The following SSC5D variants were observed in gnomAD, a reference collection of about 807,000 sequenced individuals.
SSC5D encodes the protein scavenger receptor cysteine rich family member with 5 domains.
A neutral mutation model predicts 104.6 loss-of-function variants in SSC5D; 106 were observed. The ratio of observed to expected loss-of-function variants is 1.01; its 90% CI spans 0.87 to 1.19. SSC5D has a LOEUF of 1.19. Ranked by LOEUF, SSC5D falls within the 50% of genes most tolerant of loss-of-function variation. The probability of loss-of-function intolerance (pLI) is 0.00; values close to 1 mark genes in which losing one functional copy is unlikely to be tolerated. For synonymous variants in SSC5D, 860 were observed against 883.5 expected, an observed-to-expected ratio of 0.97 and a Z score of 0.47; for missense variants, 1,993 against 2,153.8, an observed-to-expected ratio of 0.93 and a Z score of 1.48.
chr19:55,504,877 G>A (rs184472175), intron 12 of SSC5D, among the ~76,000 whole-genome samples: 2 of 152,124 alleles, frequency 1.3e-5, no homozygotes, highest in African/African-American at 4.8e-5. Context: ...GTCTGTGCTG[G>A]GCATGCATGA....
intron 2 of SSC5D, 25 bp downstream of exon 2, chr19:55,489,057 T>TGGGGGGGGGGGGGGGGGGGGGGGG: frequency 2.4e-6 from 3 of 1,247,962 alleles, no homozygotes; most frequent in East Asian, 7.3e-5. Context: ...TCCTCCCATC[T>TGGGGGGGGGGGGGGGGGGGGGGGG]GCCCGCCCCC....
rs1458083058 is a variant in SSC5D at position 55,491,047 on chromosome 19, G to A, written c.862G>A (p.Asp288Asn). The A allele has an allele frequency of 1.8e-5, 28 of 1,550,062 alleles. No homozygotes were observed. The African/African-American group carries it at 2.1e-4, about 11-fold the overall frequency. The change falls in exon 6 of 14, where the codon GAC becomes AAC. Residue 288 changes from aspartate (D) to asparagine (N), a missense_variant. Asp to Asn is a conservative substitution (Grantham distance 23). Transcript: ENST00000389623. ...PRSPWGRSNC[D>N]HSEDAGLVCT... is the part of the protein sequence containing the mutation. Reference sequence around the variant, plus strand: ...AAGCCCCTGGGGCCGGAGCAACTGTGACCACAGCGAGGATGCGGGGCTGGT... The same window carrying A: ...AAGCCCCTGGGGCCGGAGCAACTGTAACCACAGCGAGGATGCGGGGCTGGT...
In SSC5D at chr19:55,491,017, C is replaced by T. The variant is rs1488928655; in HGVS notation, c.832C>T (p.Pro278Ser). Residue 278 changes from proline to serine, a missense_variant, in exon 6 of 14, where the codon CCC becomes TCC. Physicochemically the swap from Pro to Ser is moderately conservative, Grantham distance 74. Coordinates refer to ENST00000389623, the MANE Select transcript of SSC5D (RefSeq NM_001144950.2). Reference sequence around the variant, plus strand: ...AGGAGAACAGGCCCTCCGAGACTGCCCCCGAAGCCCCTGGGGCCGGAGCAA... The same window carrying T: ...AGGAGAACAGGCCCTCCGAGACTGCTCCCGAAGCCCCTGGGGCCGGAGCAA... ...GGGEQALRDC[P>S]RSPWGRSNCD... is the part of the protein sequence containing the mutation. 7 of 1,550,074 alleles carry T rather than the reference C, an allele frequency of 4.5e-6. No individual in the cohort carries two copies. The highest frequency in any genetic ancestry group is 2.0e-5 in the Admixed American group (1 of 50,920).
Position 55,518,810 on chromosome 19 carries a change from G to A in SSC5D, c.4534G>A (p.Glu1512Lys), listed in dbSNP as rs1041611900. The change falls in exon 14 of 14, where the codon GAA (glutamate) becomes AAA (lysine). Residue 1512 changes from glutamate to lysine, a missense_variant. Physicochemically the swap from Glu to Lys is moderately conservative, Grantham distance 56. Around this residue, in one of 6 missense-constraint regions of SSC5D, gnomAD observed 349 missense variants for 397.6 expected, o/e 0.88. Transcript: ENST00000389623. The stretch of plus-strand genomic sequence containing the variant: ...GCTGCAGAGACTGACCCAGGTCGTG[G>A]AACAGGAGCGGCAGGAGCGCCAAGC... ...GQLQRLTQVV[E>K]QERQERQALL... The A allele has an allele frequency of 1.9e-6, 3 of 1,550,408 alleles. No individual in the cohort carries two copies. In the African/African-American group the frequency reaches 4.1e-5, roughly 21 times the overall value.
Position 55,488,498 on chromosome 19 carries a change from C to CT in SSC5D, c.-90dup. ...CGGGCCTGGGCGCCTCCAGCAGGCA[C>CT]TTCCCTCCCTCCCTCTCTCCCCAGC... On this transcript the variant is annotated 5_prime_UTR_variant, in exon 1 of 14. Transcript: ENST00000389623. The CT allele has an allele frequency of 9.4e-7, 1 of 1,066,074 alleles. No individual in the cohort carries two copies. The allele number at this position is 1,066,074 out of a possible 1,614,324, so 66.0% of individuals were successfully genotyped here. A position where few individuals can be genotyped will look rare whatever the true frequency, so the allele number is the denominator to read the frequency against.
Position 55,518,847 on chromosome 19 carries a change from G to T in SSC5D, c.4571G>T (p.Gly1524Val). 6.5e-7 allele frequency: 1 copy of T among 1,550,358 alleles called. No individual in the cohort carries two copies. Among genetic ancestry groups the T allele is most frequent in the South Asian group, 1.2e-5 (1 of 84,062 alleles). ...CAGGAGCGCCAAGCCCTGCTGCTGG[G>T]GCTGACGCAGCTGGTAGAAGCTGCC... ...ERQERQALLL[G>V]LTQLVEAARG... The change falls in exon 14 of 14, where the codon GGG (glycine) becomes GTG (valine). Residue 1524 changes from glycine (G) to valine (V), a missense_variant. Transcript: ENST00000389623.
At position 55,494,773 on chromosome 19, in the gene SSC5D, ACCGGAAG is replaced by A. The variant is rs1987264981; in HGVS notation, c.1382_1387+1del. 1 of 1,542,096 alleles carries A rather than the reference ACCGGAAG, an allele frequency of 6.5e-7. No homozygotes were observed. Among genetic ancestry groups the A allele is most frequent in the Non-Finnish European group, 8.8e-7 (1 of 1,141,980 alleles). Reference sequence around the variant, plus strand: ...CCCCTACTGTCCTTTGGGAGCCTGGACCGGAAGCCGGTGAGTCCCTCCATGCTCCCCA... The same window carrying A: ...CCCCTACTGTCCTTTGGGAGCCTGGACCGGTGAGTCCCTCCATGCTCCCCA... On this transcript the variant is annotated frameshift_variant, in exon 8 of 14. Transcript: ENST00000389623. LOFTEE classifies it high-confidence loss of function.
intron 8 of SSC5D, 141 bp downstream of exon 8, chr19:55,494,924 G>C (rs1457638774): frequency 9.9e-7 from 1 of 1,008,418 alleles, no homozygotes; most frequent in Non-Finnish European, 1.4e-6. Context: ...AGGACACTGA[G>C]CTGGGTTCAA....
rs986599002 is a variant in SSC5D, at chr19:55,503,114, G to A, written c.2785+1913G>A. ...AGGGGTGAGCCACTGCTCCCGGCCT[G>A]ATTTTTTGTCGAGATGGGTTCTCAC... On this transcript the variant is annotated intron_variant, in intron 12 of 13. Transcript: ENST00000389623. The surrounding 1 kb of genome is among the most constrained non-coding windows in gnomAD (Gnocchi z 4.0). 6.6e-6 allele frequency among the ~76,000 whole-genome samples: 1 copy of A among 151,754 alleles called. No individual in the cohort carries two copies. Among genetic ancestry groups the A allele is most frequent in the Non-Finnish European group, 1.5e-5 (1 of 67,906 alleles).
Position 55,489,895 on chromosome 19 carries a change from T to C in SSC5D, c.375T>C (p.Ala125=). ...AGVVCAGQRV[A]NSRDDSTSPL... ...CCCCCGCCGCAGGTCAGCGTGTGGC[T>C]AACTCCAGGGACGACTCAACATCTC... Residue 125 remains alanine, a synonymous_variant, in exon 4 of 14, where the codon GCT becomes GCC. Coordinates refer to ENST00000389623, the MANE Select transcript of SSC5D (RefSeq NM_001144950.2). 1 of 1,548,628 alleles carries C rather than the reference T, an allele frequency of 6.5e-7. No individual in the cohort carries two copies. The highest frequency in any genetic ancestry group is 8.7e-7 in the Non-Finnish European group (1 of 1,146,120).
chr19:55,489,069 C>T (rs774029785), intron 2 of SSC5D, 37 bp downstream of exon 2: 24 of 1,085,960 alleles, frequency 2.2e-5, no homozygotes, highest in African/African-American at 3.4e-5. Flanking sequence ...CCCGCCCCCC[C>T]CCCCAGGCCT....
intron 8 of SSC5D, among the ~76,000 whole-genome samples, chr19:55,496,457 C>T (rs1987328305): frequency 6.6e-6 from 1 of 152,194 alleles, no homozygotes; most frequent in Non-Finnish European, 1.5e-5. Flanking sequence ...ATCACCATTC[C>T]CAGAGGTCTC....
rs763682377 is a variant in SSC5D, at chr19:55,493,905, G to A, written c.1206G>A (p.Val402=). ...DCHHREDAGA[V]CDGMPLGYVP... is the part of the protein sequence containing the mutation. ...ACCACCGCGAGGACGCCGGGGCCGT[G>A]TGTGACGGTGAGGGGGTTGTGGTGG... The change falls in exon 7 of 14, where the codon GTG becomes GTA. Residue 402 remains valine (V), a synonymous_variant. Coordinates refer to ENST00000389623, the MANE Select transcript of SSC5D (RefSeq NM_001144950.2). 8 of 1,544,014 alleles carry A rather than the reference G, an allele frequency of 5.2e-6. No homozygotes were observed. Among genetic ancestry groups the A allele is most frequent in the South Asian group, 1.2e-5 (1 of 84,020 alleles).
At chr19:55,493,981 C>CCG in intron 7 of SSC5D, 69 bp downstream of exon 7, 2 of 44,520 alleles carry the variant, frequency 4.5e-5, no homozygotes, top group East Asian at 1.0e-3. Flanking sequence ...GCAAGTTCGG[C>CCG]GGGGGCGGGG....
intron 12 of SSC5D, 68 bp from the exon 13 acceptor site, chr19:55,512,943 G>A (rs1290554085): frequency 4.5e-6 from 7 of 1,541,238 alleles, no homozygotes; most frequent in Non-Finnish European, 6.2e-6. Context: ...GGCCCAGGAG[G>A]AGAGAGACGG....
intron 8 of SSC5D, 76 bp downstream of exon 8, chr19:55,494,859 T>C: frequency 7.0e-7 from 1 of 1,425,086 alleles, no homozygotes; most frequent in Non-Finnish European, 9.3e-7. Context: ...GACTGTCTCA[T>C]GGGGGGCCTC....
At chr19:55,515,206 C>A (rs917620347) in intron 13 of SSC5D, among the ~76,000 whole-genome samples, 2 of 151,464 alleles carry the variant, frequency 1.3e-5, no homozygotes, top group African/African-American at 4.9e-5. Flanking sequence ...CTAGCCTGAA[C>A]AACATAGTGA....
intron 6 of SSC5D, 99 bp downstream of exon 6, chr19:55,491,179 C>T (rs1987134892): frequency 7.4e-6 from 10 of 1,349,638 alleles, no homozygotes; most frequent in Non-Finnish European, 9.9e-6. Context: ...CCAGCTCTGC[C>T]TCCTGCCCGC....
At chr19:55,489,774 C>T (rs1321258002) in intron 3 of SSC5D, 108 bp from the exon 4 acceptor site, 4 of 1,470,304 alleles carry the variant, frequency 2.7e-6, no homozygotes, top group Non-Finnish European at 3.7e-6. Context: ...AGACACCCAA[C>T]CTCCCATCCC....
Sources: allele counts gnomAD v4.1 joint callset (sites outside exome capture counted in the v4.1 genomes callset), GRCh38; gene constraint gnomAD v4.1.1; regional missense constraint gnomAD v4.1.1; non-coding constraint Gnocchi (gnomAD v3.1); transcripts MANE v1.5; gene names NCBI Gene and HGNC (gene_info 2026-07-23, HGNC 2026-07-21).